Variants in RANBP2 observed in about 807,000 individuals in gnomAD.
The protein encoded by RANBP2 is RAN binding protein 2, also known as E3 SUMO-protein ligase RanBP2.
RANBP2 carries 57 observed loss-of-function variants against 303.6 expected under a neutral mutation model. That is an observed-to-expected ratio of 0.19 (90% confidence interval 0.15 to 0.23). The LOEUF (loss-of-function observed/expected upper bound fraction) is 0.23, where lower values mean the gene tolerates loss of function less well. Ranked by LOEUF, RANBP2 falls within the 10% of genes least tolerant of loss-of-function variation. The probability of loss-of-function intolerance (pLI) is 1.00; values close to 1 mark genes in which losing one functional copy is unlikely to be tolerated. For synonymous variants in RANBP2, 1,167 were observed against 1,301.5 expected, an observed-to-expected ratio of 0.90 and a Z score of 2.23; for missense variants, 3,138 against 3,780.8, an observed-to-expected ratio of 0.83 and a Z score of 4.46.
At chr2:108,976,516 G>C in the RANBP2 span, among the ~76,000 whole-genome samples, 1 of 152,108 alleles carries the variant, frequency 6.6e-6, no homozygotes, top group Non-Finnish European at 1.5e-5. Flanking sequence ...CAGGCGGAGC[G>C]CACACTTAAG....
At chr2:109,229,685 G>T in the RANBP2 span, among the ~76,000 whole-genome samples, 1 of 152,202 alleles carries the variant, frequency 6.6e-6, no homozygotes, top group African/African-American at 2.4e-5. Flanking sequence ...CAGAAAATAA[G>T]ACATGGTGAC....
At chr2:109,054,799 TATGTTCC>T in the RANBP2 span, among the ~76,000 whole-genome samples, 42 of 152,130 alleles carry the variant, frequency 2.8e-4, no homozygotes, top group South Asian at 7.3e-3. Context: ...CCATCACCAG[TATGTTCC>T]CTTGTCCCTT....
the RANBP2 span, among the ~76,000 whole-genome samples, chr2:109,520,576 T>G: frequency 0.028 from 3,358 of 118,058 alleles, 52 homozygotes; most frequent in South Asian, 0.079. Flanking sequence ...CTCCAGCCTG[T>G]GGACAGAGCA....
the RANBP2 span, among the ~76,000 whole-genome samples, chr2:109,451,456 A>G: frequency 1.3e-5 from 2 of 152,196 alleles, no homozygotes; most frequent in African/African-American, 4.8e-5. Context: ...TTCTTTGCCC[A>G]AGAATTCCCT....
chr2:109,520,311 T>A, the RANBP2 span, among the ~76,000 whole-genome samples: 1 of 152,124 alleles, frequency 6.6e-6, no homozygotes, highest in East Asian at 1.9e-4. Context: ...TGCTTAAGAA[T>A]TATGATGTTG....
the RANBP2 span, among the ~76,000 whole-genome samples, chr2:108,994,110 C>T: frequency 6.6e-6 from 1 of 152,100 alleles, no homozygotes; most frequent in African/African-American, 2.4e-5. Flanking sequence ...ACACAGACAC[C>T]CAGACCACAG....
the RANBP2 span, chr2:109,565,999 A>C: frequency 2.7e-6 from 2 of 735,630 alleles, no homozygotes; most frequent in African/African-American, 3.5e-5. Context: ...CAGATTTTAA[A>C]ACCTGCCAGT....
the RANBP2 span, among the ~76,000 whole-genome samples, chr2:109,691,497 G>A: frequency 6.6e-6 from 1 of 152,136 alleles, no homozygotes; most frequent in African/African-American, 2.4e-5. Context: ...GGACTACCCT[G>A]CACTTGGCTA....
At chr2:108,794,704 A>T in the RANBP2 span, 3 of 1,612,390 alleles carry the variant, frequency 1.9e-6, no homozygotes, top group Non-Finnish European at 2.5e-6. Context: ...ATTATTTCAG[A>T]TACATCTGAA....
the RANBP2 span, among the ~76,000 whole-genome samples, chr2:108,912,048 G>A: frequency 6.6e-6 from 1 of 152,354 alleles, no homozygotes; most frequent in African/African-American, 2.4e-5. Flanking sequence ...CTCTGCGTTA[G>A]CGCGTGGGAG....
chr2:108,809,225 A>G, the RANBP2 span, among the ~76,000 whole-genome samples: 13 of 152,220 alleles, frequency 8.5e-5, no homozygotes, highest in Admixed American at 3.9e-4. Flanking sequence ...ACAGTTTTGT[A>G]GTATATTTTG....
At chr2:108,760,093 A>G (rs2149260631) in intron 18 of RANBP2, among the ~76,000 whole-genome samples, 1 of 152,250 alleles carries the variant, frequency 6.6e-6, no homozygotes, top group Admixed American at 6.5e-5. Context: ...TTTTTCCTTA[A>G]TAAAAGTAAA....
At chr2:108,940,211 G>C in the RANBP2 span, 40,765 of 152,286 alleles carry the variant, frequency 0.27, 8,635 homozygotes, top group East Asian at 0.94. Flanking sequence ...CCATTATTAC[G>C]TGTCCCGAGG....
chr2:108,979,467 T>TCTCTCACACA, the RANBP2 span, among the ~76,000 whole-genome samples: 27 of 147,112 alleles, frequency 1.8e-4, no homozygotes, highest in Admixed American at 7.5e-4. Flanking sequence ...TCTCTCTCTC[T>TCTCTCACACA]CACACACACA....
intron 7 of RANBP2, among the ~76,000 whole-genome samples, chr2:108,741,029 A>G (rs1261917749): frequency 6.6e-6 from 1 of 152,170 alleles, no homozygotes; most frequent in Non-Finnish European, 1.5e-5. Flanking sequence ...TACTTGGACA[A>G]AATCTTAATA....
chr2:109,377,439 G>C, the RANBP2 span, among the ~76,000 whole-genome samples: 1 of 152,096 alleles, frequency 6.6e-6, no homozygotes, highest in Non-Finnish European at 1.5e-5. Context: ...CCTAGGATCC[G>C]GGGAAGAAGC....
the RANBP2 span, chr2:109,615,633 C>T: frequency 6.2e-7 from 1 of 1,613,790 alleles, no homozygotes; most frequent in Non-Finnish European, 8.5e-7. Flanking sequence ...CTCCCAGTAC[C>T]TGAGTCGGAG....
At chr2:108,908,604 C>T in the RANBP2 span, among the ~76,000 whole-genome samples, 25 of 152,218 alleles carry the variant, frequency 1.6e-4, no homozygotes, top group African/African-American at 4.8e-4. Context: ...GGTGGGCGGT[C>T]GGACCCACCA....
chr2:109,607,161 T>C, the RANBP2 span, among the ~76,000 whole-genome samples: 1 of 152,200 alleles, frequency 6.6e-6, no homozygotes, highest in Non-Finnish European at 1.5e-5. Flanking sequence ...TATTTAAAGG[T>C]AGTATAAATC....
Sources: allele counts gnomAD v4.1 joint callset (sites outside exome capture counted in the v4.1 genomes callset), GRCh38; gene constraint gnomAD v4.1.1; transcripts MANE v1.5; gene names NCBI Gene and HGNC (gene_info 2026-07-23, HGNC 2026-07-21).